The following GORAB variants were observed in gnomAD, a reference collection of about 807,000 sequenced individuals.
The protein encoded by GORAB is RAB6-interacting golgin.
A neutral mutation model predicts 29.9 loss-of-function variants in GORAB; 17 were observed. The observed-to-expected ratio is 0.57, with a 90% CI of 0.39 to 0.85. The LOEUF (loss-of-function observed/expected upper bound fraction) is 0.85, where lower values mean the gene tolerates loss of function less well. GORAB is among the 40% of genes least tolerant of loss of function. The pLI is 0.00. For missense variants in GORAB, 442 were observed against 437.8 expected, an observed-to-expected ratio of 1.01 and a Z score of -0.09; for synonymous variants, 183 against 157.2, an observed-to-expected ratio of 1.16 and a Z score of -1.23.
At position 170,553,208 on chromosome 1, in the gene GORAB, A is replaced by G; in HGVS notation, c.*746A>G. On this transcript the variant is annotated 3_prime_UTR_variant, in exon 5 of 5. Transcript: ENST00000367763. ...TAAAACATTTCTAAAGTGAGACTGAAAATAATATAGAAAATCTCATTGCTA... is the reference window on the plus strand; with the variant it reads ...TAAAACATTTCTAAAGTGAGACTGAGAATAATATAGAAAATCTCATTGCTA... The G allele has an allele frequency of 2.3e-6, 1 of 433,894 alleles. No homozygotes were observed. Among genetic ancestry groups the G allele is most frequent in the East Asian group, 7.0e-5 (1 of 14,260 alleles). The allele number at this position is 433,894 out of a possible 1,614,324, so 26.9% of individuals were successfully genotyped here.
chr1:170,552,373 C>T lies in GORAB; in HGVS notation c.1021C>T (p.Gln341Ter). 1 of 1,614,050 alleles carries T rather than the reference C, an allele frequency of 6.2e-7. No homozygotes were observed. Among genetic ancestry groups the T allele is most frequent in the Non-Finnish European group, 8.5e-7 (1 of 1,179,950 alleles). Residue 341 changes from glutamine (Q) to a stop codon, truncating the protein, a stop_gained, in exon 5 of 5, where the codon CAG becomes TAG. Coordinates refer to ENST00000367763, the MANE Select transcript of GORAB (RefSeq NM_152281.3). LOFTEE classifies it low-confidence loss of function (END_TRUNC). Reference sequence around the variant, plus strand: ...AGCTGTTTCCCCAAAGGTAGATGACCAGTGTGGAAATTCCAGTAGCATCCC... The same window carrying T: ...AGCTGTTTCCCCAAAGGTAGATGACTAGTGTGGAAATTCCAGTAGCATCCC... ...EQAVSPKVDD[Q>*]CGNSSSIPFL...
Position 170,532,260 on chromosome 1 carries a change from C to A in GORAB, c.37C>A (p.Leu13Met). ...QGWAGFSEEE[L>M]RRLKQTKDPF... ...TTGGGCAGGATTCTCTGAGGAGGAA[C>A]TGAGGAGACTAAAGCAGACTAAAGG... The change falls in exon 1 of 5, where the codon CTG becomes ATG. Residue 13 changes from leucine (L) to methionine (M), a missense_variant. Transcript: ENST00000367763. 1 of 1,614,086 alleles carries A rather than the reference C, an allele frequency of 6.2e-7. No individual in the cohort carries two copies. The highest frequency in any genetic ancestry group is 1.7e-5 in the Admixed American group (1 of 60,022).
At chr1:170,533,096 C>T (rs1328760534) in intron 1 of GORAB, among the ~76,000 whole-genome samples, 1 of 152,192 alleles carries the variant, frequency 6.6e-6, no homozygotes, top group Non-Finnish European at 1.5e-5. Context: ...TGGTAGTACA[C>T]ACAATTTCTG....
At chr1:170,546,319 G>A (rs1649759948) in intron 4 of GORAB, among the ~76,000 whole-genome samples, 1 of 152,094 alleles carries the variant, frequency 6.6e-6, no homozygotes, top group African/African-American at 2.4e-5. Context: ...GAACCTGGGA[G>A]GCGGATCTTG....
At chr1:170,544,075 C>T (rs1649607244) in intron 3 of GORAB, among the ~76,000 whole-genome samples, 1 of 151,952 alleles carries the variant, frequency 6.6e-6, no homozygotes, top group Non-Finnish European at 1.5e-5. Context: ...ATATATTGTA[C>T]TTGGGAGAGG....
At chr1:170,545,015 T>G in intron 4 of GORAB, 170 bp downstream of exon 4, 1 of 1,356,882 alleles carries the variant, frequency 7.4e-7, no homozygotes, top group Non-Finnish European at 9.5e-7. Flanking sequence ...TTCAGTGAAG[T>G]CTTCCTTAAC....
At position 170,542,518 on chromosome 1, in the gene GORAB, C is replaced by T. The variant is rs765662077; in HGVS notation, c.447C>T (p.Leu149=). ...AAGAAAAATCTCGTTGGGAAGTCCT[C>T]CAACAAGAACAACGGCTAATGGAAG... ...ELQEKSRWEV[L]QQEQRLMEEK... The change falls in exon 3 of 5, where the codon CTC becomes CTT. Residue 149 remains leucine, a synonymous_variant. Coordinates refer to ENST00000367763, the MANE Select transcript of GORAB (RefSeq NM_152281.3). The T allele has an allele frequency of 6.2e-7, 1 of 1,613,592 alleles. No individual in the cohort carries two copies. Among genetic ancestry groups the T allele is most frequent in the Admixed American group, 1.7e-5 (1 of 59,996 alleles).
In GORAB at chr1:170,539,303, GGCTTCAAGATGGATC is replaced by G. The variant is rs1558004304; in HGVS notation, c.156_170del (p.Leu53_Ser57del). ...CTTGTAGAGCAAAGCCAAAAACTTG[GGCTTCAAGATGGATC>G]AACCTCATTACTTCCAGAGCAGCTG... is the stretch of plus-strand genomic sequence containing the variant. On this transcript the variant is annotated inframe_deletion, in exon 2 of 5. Coordinates refer to ENST00000367763, the MANE Select transcript of GORAB (RefSeq NM_152281.3). The G allele has an allele frequency of 1.2e-6, 2 of 1,614,088 alleles. No individual in the cohort carries two copies. Among genetic ancestry groups the G allele is most frequent in the Admixed American group, 1.7e-5 (1 of 60,016 alleles).
chr1:170,537,362 C>G (rs569262439), intron 1 of GORAB, among the ~76,000 whole-genome samples: 10 of 152,128 alleles, frequency 6.6e-5, no homozygotes, highest in Non-Finnish European at 1.0e-4. Context: ...TCTCTCTTCT[C>G]CTTGTGTTGT....
At chr1:170,533,293 G>A (rs1648829049) in intron 1 of GORAB, among the ~76,000 whole-genome samples, 1 of 152,168 alleles carries the variant, frequency 6.6e-6, no homozygotes, top group Admixed American at 6.5e-5. Context: ...GTAAGATAGG[G>A]CCAATGTAGA....
intron 2 of GORAB, among the ~76,000 whole-genome samples, chr1:170,540,619 GTGTC>G (rs1266035902): frequency 6.6e-6 from 1 of 152,202 alleles, no homozygotes; most frequent in African/African-American, 2.4e-5. Flanking sequence ...ATACATTAAA[GTGTC>G]TCTAAGTGTA....
chr1:170,533,629 T>G (rs1206092185), intron 1 of GORAB: 5 of 437,502 alleles, frequency 1.1e-5, no homozygotes, highest in Non-Finnish European at 1.4e-5. Flanking sequence ...AGTTTGTGTG[T>G]TAGCAGAGGC....
chr1:170,537,346 C>T (rs757354922), intron 1 of GORAB, among the ~76,000 whole-genome samples: 4 of 152,106 alleles, frequency 2.6e-5, no homozygotes, highest in Non-Finnish European at 5.9e-5. Flanking sequence ...CAAGACCTTC[C>T]TGACCTCTCT....
Position 170,552,105 on chromosome 1 carries a change from C to A in GORAB, c.753C>A (p.His251Gln). Residue 251 changes from histidine (H) to glutamine (Q), a missense_variant, in exon 5 of 5, where the codon CAC becomes CAA. His to Gln is a conservative substitution (Grantham distance 24). Transcript: ENST00000367763. ...KTEIKEQLTE[H>Q]LCTIIQQNEL... ...AGATAAAAGAGCAACTCACTGAACA[C>A]CTTTGTACGATCATACAGCAAAATG... 6.2e-7 allele frequency: 1 copy of A among 1,614,038 alleles called. No individual in the cohort carries two copies. The highest frequency in any genetic ancestry group is 8.5e-7 in the Non-Finnish European group (1 of 1,179,970).
intron 4 of GORAB, chr1:170,545,689 T>G (rs1018753495): frequency 2.0e-6 from 2 of 984,416 alleles, no homozygotes; most frequent in African/African-American, 3.5e-5. Context: ...AATGCCTCAT[T>G]AGGCCAGGGT....
At chr1:170,532,770 G>A (rs1445987784) in intron 1 of GORAB, 3 of 185,210 alleles carry the variant, frequency 1.6e-5, no homozygotes, top group African/African-American at 7.1e-5. Flanking sequence ...TTCATCTGGA[G>A]TGTTGCATTC....
intron 1 of GORAB, among the ~76,000 whole-genome samples, chr1:170,538,894 T>A (rs1189436801): frequency 6.6e-6 from 1 of 152,214 alleles, no homozygotes; most frequent in Non-Finnish European, 1.5e-5. Flanking sequence ...AATTAGTTGC[T>A]TTCTTTTGAC....
In GORAB at chr1:170,553,305, C is replaced by T; in HGVS notation, c.*843C>T. ...ATAAATATGTTTTTGATATGTTGGA[C>T]ATGAATTACCCTGTCATGAAGCGTT... On this transcript the variant is annotated 3_prime_UTR_variant, in exon 5 of 5. Transcript: ENST00000367763. 2.2e-6 allele frequency: 1 copy of T among 451,344 alleles called. No individual in the cohort carries two copies. Among genetic ancestry groups the T allele is most frequent in the South Asian group, 1.6e-5 (1 of 63,038 alleles). The allele number at this position is 451,344 out of a possible 1,614,324, so 28.0% of individuals were successfully genotyped here. A position where few individuals can be genotyped will look rare whatever the true frequency, so the allele number is the denominator to read the frequency against.
rs759130794 is a variant in GORAB, at chr1:170,553,578, A to G, written c.*1116A>G. On this transcript the variant is annotated 3_prime_UTR_variant, in exon 5 of 5. Transcript: ENST00000367763. ...TAAGCACAAGTATAAGATTGTATCC[A>G]TAAAAGTTTCTGAAAAACTTAGGGA... 2 of 451,114 alleles carry G rather than the reference A, an allele frequency of 4.4e-6. No individual in the cohort carries two copies. Among genetic ancestry groups the G allele is most frequent in the Admixed American group, 4.7e-5 (2 of 42,228 alleles). 27.9% of individuals were successfully genotyped at this position (451,114 alleles called of 1,614,324 possible).
Sources: gnomAD v4.1 joint callset for allele counts (sites outside exome capture counted in the v4.1 genomes callset) on GRCh38, gnomAD v4.1.1 for gene constraint, MANE v1.5 for transcripts, NCBI Gene and HGNC (gene_info 2026-07-23, HGNC 2026-07-21) for gene names.